The following EMCN variants were observed in gnomAD, a reference collection of about 807,000 sequenced individuals.
The protein encoded by EMCN is MUC-14.
In EMCN, 37 loss-of-function variants were observed where a neutral mutation model predicts 38.4. The ratio of observed to expected loss-of-function variants is 0.96; its 90% confidence interval spans 0.74 to 1.27. The LOEUF (loss-of-function observed/expected upper bound fraction) is 1.27. EMCN is among the 50% of genes most tolerant of loss of function. The pLI, the probability that EMCN is intolerant of heterozygous loss-of-function variation, is 0.00. For missense variants in EMCN, 318 were observed against 302.8 expected (o/e 1.05, Z -0.37); for synonymous variants, 95 against 100.8 (o/e 0.94, Z 0.35).
chr4:100,408,966 T>A (rs765721271), intron 11 of EMCN, among the ~76,000 whole-genome samples: 1 of 152,152 alleles, frequency 6.6e-6, no homozygotes, highest in Non-Finnish European at 1.5e-5. Context: ...CCCTAATTAC[T>A]GGCTAGAGAG....
chr4:100,427,452 TC>T (rs59293447), intron 5 of EMCN, among the ~76,000 whole-genome samples: 29,354 of 137,982 alleles, frequency 0.21, 4,266 homozygotes, highest in African/African-American at 0.42. Context: ...TCTCTCTCTC[TC>T]TTTTTTTTTT....
rs117576013 is a variant in EMCN at position 100,497,884 on chromosome 4, A to G, written c.65-17845T>C. Among the ~76,000 whole-genome samples, 59 of 152,354 alleles carry G rather than the reference A, an allele frequency of 3.9e-4. 1 individual carries two copies. The highest frequency in any genetic ancestry group is 2.9e-3 in the East Asian group (15 of 5,194). On this transcript the variant is annotated intron_variant, in intron 1 of 11. Coordinates refer to ENST00000296420, the MANE Select transcript of EMCN (RefSeq NM_016242.4). ...TAGTATAGGAGTAAATGCATCAGGA[A>G]AGATGTAAAACCAAAGGAACCCTAA...
chr4:100,487,091 G>C (rs868043509), intron 1 of EMCN: 14 of 879,700 alleles, frequency 1.6e-5, no homozygotes, highest in Middle Eastern at 5.8e-4. Flanking sequence ...GAGGAAAAAG[G>C]AATATCTTGG....
chr4:100,411,704 A>G (rs1578393939), intron 10 of EMCN, among the ~76,000 whole-genome samples: 1 of 152,142 alleles, frequency 6.6e-6, no homozygotes, highest in Non-Finnish European at 1.5e-5. Flanking sequence ...TTCATTATGC[A>G]TAATCTGGTC....
In EMCN at chr4:100,423,043, T is replaced by C. The variant is rs778130632; in HGVS notation, c.546A>G (p.Ser182=). 2.5e-6 allele frequency: 4 copies of C among 1,613,158 alleles called. No homozygotes were observed. In the Admixed American group the frequency reaches 6.7e-5, roughly 27 times the overall value. ...CACTGGAATAAGACCGGCTGGTTGC[T>C]GAAGTGCTTGCATTTTTTCCACCCT... ...GTEGGKNAST[S]ATSRSYSSII... Residue 182 remains serine, a synonymous_variant, in exon 7 of 12, where the codon TCA becomes TCG. Coordinates refer to ENST00000296420, the MANE Select transcript of EMCN (RefSeq NM_016242.4).
intron 11 of EMCN, among the ~76,000 whole-genome samples, chr4:100,404,132 G>C (rs1027808106): frequency 6.6e-6 from 1 of 151,258 alleles, no homozygotes; most frequent in Non-Finnish European, 1.5e-5. Flanking sequence ...TCATCATGAA[G>C]ACTGATGCAC....
chr4:100,411,385 TA>T (rs1726548392), intron 10 of EMCN, among the ~76,000 whole-genome samples: 1 of 152,158 alleles, frequency 6.6e-6, no homozygotes, highest in Admixed American at 6.5e-5. Flanking sequence ...GTAAATAAAA[TA>T]AATATTGAGT....
At chr4:100,413,313 G>A (rs1449410766) in intron 10 of EMCN, among the ~76,000 whole-genome samples, 2 of 151,894 alleles carry the variant, frequency 1.3e-5, no homozygotes, top group East Asian at 1.9e-4. Context: ...TATATAGGCA[G>A]CAGTAGAAAA....
intron 5 of EMCN, among the ~76,000 whole-genome samples, chr4:100,447,204 G>A (rs901957899): frequency 6.6e-6 from 1 of 152,142 alleles, no homozygotes; most frequent in Non-Finnish European, 1.5e-5. Flanking sequence ...AAGACATTTT[G>A]TACTTCTGGG....
At chr4:100,497,278 G>A (rs1358197112) in intron 1 of EMCN, among the ~76,000 whole-genome samples, 1 of 148,560 alleles carries the variant, frequency 6.7e-6, no homozygotes, top group African/African-American at 2.5e-5. Context: ...ATTAACCTAT[G>A]AGCCAGTAAG....
At chr4:100,405,141 A>T (rs1229548659) in intron 11 of EMCN, among the ~76,000 whole-genome samples, 1 of 152,094 alleles carries the variant, frequency 6.6e-6, no homozygotes, top group Non-Finnish European at 1.5e-5. Flanking sequence ...TTCTAGGTAT[A>T]GAAACATATA....
chr4:100,436,476 A>G (rs1217918341), intron 5 of EMCN, among the ~76,000 whole-genome samples: 1 of 152,196 alleles, frequency 6.6e-6, no homozygotes, highest in Non-Finnish European at 1.5e-5. Context: ...ACCTAGAGGC[A>G]GAAATACCAT....
At chr4:100,421,409 G>C (rs192035294) in intron 7 of EMCN, 32 bp from the exon 8 acceptor site, 1 of 1,555,640 alleles carries the variant, frequency 6.4e-7, no homozygotes, top group East Asian at 2.2e-5. Flanking sequence ...GTCAATTAGA[G>C]TGGCTACTGA....
At chr4:100,413,984 G>C (rs898376153) in intron 10 of EMCN, among the ~76,000 whole-genome samples, 4 of 152,186 alleles carry the variant, frequency 2.6e-5, no homozygotes, top group African/African-American at 9.7e-5. Flanking sequence ...CCAGGCCTTA[G>C]AGTCTGCTAT....
chr4:100,465,137 A>C (rs72923878), intron 4 of EMCN, among the ~76,000 whole-genome samples: 3,471 of 152,034 alleles, frequency 0.023, 130 homozygotes, highest in African/African-American at 0.079. Context: ...ATTTCATCTA[A>C]GTTGTCTAAT....
chr4:100,462,038 G>A (rs1403526579), intron 4 of EMCN, among the ~76,000 whole-genome samples: 3 of 152,180 alleles, frequency 2.0e-5, no homozygotes, highest in Admixed American at 6.5e-5. Flanking sequence ...AAATGGAAAT[G>A]TGTGCAAACA....
chr4:100,434,660 C>A (rs171428), intron 5 of EMCN, among the ~76,000 whole-genome samples: 41,898 of 151,946 alleles, frequency 0.28, 7,392 homozygotes, highest in Non-Finnish European at 0.4. Flanking sequence ...AGCAGCACAT[C>A]AAAAAGCTTA....
chr4:100,456,680 G>A (rs1265096023), intron 4 of EMCN, among the ~76,000 whole-genome samples: 1 of 151,760 alleles, frequency 6.6e-6, no homozygotes, highest in African/African-American at 2.4e-5. Context: ...GACACACTCT[G>A]TATCACTTAA....
chr4:100,409,660 G>C (rs1459643814), intron 11 of EMCN, among the ~76,000 whole-genome samples: 2 of 152,180 alleles, frequency 1.3e-5, no homozygotes, highest in African/African-American at 4.8e-5. Context: ...AGGAAACCTG[G>C]CTGAAACTGA....
Sources: allele counts gnomAD v4.1 joint callset (sites outside exome capture counted in the v4.1 genomes callset), GRCh38; gene constraint gnomAD v4.1.1; transcripts MANE v1.5; gene names NCBI Gene and HGNC (gene_info 2026-07-23, HGNC 2026-07-21).